ELF1: variants seen among roughly 807,000 people sequenced by gnomAD.
ELF1 encodes ETS-related transcription factor Elf-1.
A neutral mutation model predicts 59.9 loss-of-function variants in ELF1; 24 were observed. The ratio of observed to expected loss-of-function variants is 0.40; its 90% confidence interval spans 0.29 to 0.56. The LOEUF (loss-of-function observed/expected upper bound fraction) is 0.56. Among genes scored for constraint, ELF1 ranks in the 20% least tolerant of loss-of-function variants. The pLI is 0.44. For synonymous variants in ELF1, 248 were observed against 266.2 expected (o/e 0.93, Z 0.67); for missense variants, 627 against 742.2 (o/e 0.84, Z 1.80).
chr13:41,044,885 G>C lies in ELF1; in HGVS notation c.-229+15953C>G, dbSNP rs1413486309. 5.3e-5 allele frequency among the ~76,000 whole-genome samples: 8 copies of C among 152,234 alleles called. No individual in the cohort carries two copies. The East Asian group carries it at 1.5e-3, about 29-fold the overall frequency. ...GAAGGAATGGTACCAGCTCCTCCTTGTACCTCTGGTAGAATTCGGCTGTGA... is the reference window on the plus strand; with the variant it reads ...GAAGGAATGGTACCAGCTCCTCCTTCTACCTCTGGTAGAATTCGGCTGTGA... On this transcript the variant is annotated intron_variant, in intron 1 of 1. Transcript: ENST00000405737.
intron 1 of ELF1, among the ~76,000 whole-genome samples, chr13:40,990,456 T>A (rs1432517944): frequency 6.6e-6 from 1 of 152,206 alleles, no homozygotes; most frequent in Non-Finnish European, 1.5e-5. Context: ...CATGTATTAG[T>A]AATCACTTAA....
intron 1 of ELF1, among the ~76,000 whole-genome samples, chr13:40,998,607 C>T (rs1268079208): frequency 3.3e-5 from 5 of 152,100 alleles, no homozygotes; most frequent in African/African-American, 1.2e-4. Context: ...TACTATTGTA[C>T]AAATCTTAGA....
intron 1 of ELF1, among the ~76,000 whole-genome samples, chr13:41,032,591 G>A (rs976356147): frequency 7.9e-5 from 12 of 151,986 alleles, no homozygotes; most frequent in Non-Finnish European, 1.0e-4. Context: ...CGGGCACAGT[G>A]TCTCATGCCT....
intron 1 of ELF1, among the ~76,000 whole-genome samples, chr13:41,029,136 G>C (rs1349416384): frequency 6.6e-6 from 1 of 152,172 alleles, no homozygotes; most frequent in Non-Finnish European, 1.5e-5. Flanking sequence ...ATAAATCAGT[G>C]CATTTTCAAT....
At chr13:40,998,659 C>A (rs892831400) in intron 1 of ELF1, among the ~76,000 whole-genome samples, 1 of 152,228 alleles carries the variant, frequency 6.6e-6, no homozygotes, top group East Asian at 1.9e-4. Flanking sequence ...AAAACATATA[C>A]AGAACAATTA....
At chr13:40,955,262 G>A (rs1462572692) in intron 3 of ELF1, among the ~76,000 whole-genome samples, 10 of 105,666 alleles carry the variant, frequency 9.5e-5, no homozygotes, top group South Asian at 3.3e-4. Context: ...CAGCCACCCC[G>A]TCTGGGAGGG....
chr13:41,011,939 C>G (rs1448646076), intron 1 of ELF1, among the ~76,000 whole-genome samples: 2 of 152,076 alleles, frequency 1.3e-5, no homozygotes, highest in Non-Finnish European at 2.9e-5. Context: ...GCTTTTACTA[C>G]CGGTCAAATT....
chr13:40,937,184 T>C (rs1282447011), intron 8 of ELF1, among the ~76,000 whole-genome samples: 1 of 152,242 alleles, frequency 6.6e-6, no homozygotes, highest in Non-Finnish European at 1.5e-5. Context: ...GGTTGTATTA[T>C]GTAATACAGA....
intron 3 of ELF1, among the ~76,000 whole-genome samples, chr13:40,954,585 T>C (rs1370551054): frequency 6.6e-6 from 1 of 151,980 alleles, no homozygotes; most frequent in Non-Finnish European, 1.5e-5. Flanking sequence ...GTGCCTGCGA[T>C]TGCAGGCGCG....
Position 41,053,623 on chromosome 13 carries a change from C to T in ELF1, c.-229+7215G>A, listed in dbSNP as rs576656693. ...AATGGCTACCCCACCCCTTCTGACACCTCTGGGAATTCAAGTGTGTAAGAT... is the reference window on the plus strand; with the variant it reads ...AATGGCTACCCCACCCCTTCTGACATCTCTGGGAATTCAAGTGTGTAAGAT... On this transcript the variant is annotated intron_variant, in intron 1 of 1. Coordinates refer to the ELF1 transcript ENST00000405737. Among the ~76,000 whole-genome samples, 10 of 152,290 alleles carry T rather than the reference C, an allele frequency of 6.6e-5. No homozygotes were observed. In the South Asian group the frequency reaches 2.1e-3, roughly 32 times the overall value.
At chr13:40,951,138 C>A (rs1870820021) in intron 4 of ELF1, among the ~76,000 whole-genome samples, 191 bp downstream of exon 4, 1 of 152,154 alleles carries the variant, frequency 6.6e-6, no homozygotes, top group Non-Finnish European at 1.5e-5. Flanking sequence ...CCAAAGGCTT[C>A]ATTCTCAAAT....
chr13:41,015,882 T>C (rs147129536), intron 1 of ELF1, among the ~76,000 whole-genome samples: 7 of 152,276 alleles, frequency 4.6e-5, no homozygotes, highest in African/African-American at 1.7e-4. Flanking sequence ...ACCTGTCTAC[T>C]CATATGTGCT....
At chr13:40,940,397 A>C (rs5009585) in intron 8 of ELF1, among the ~76,000 whole-genome samples, 23 of 36,142 alleles carry the variant, frequency 6.4e-4, no homozygotes, top group Non-Finnish European at 8.5e-4. Flanking sequence ...AAAAAAAAAA[A>C]AAAAAAAAAA....
At chr13:41,004,555 A>G (rs889501843) in intron 1 of ELF1, among the ~76,000 whole-genome samples, 5 of 152,166 alleles carry the variant, frequency 3.3e-5, no homozygotes, top group African/African-American at 9.6e-5. Context: ...GTCAACCTCT[A>G]TAACTTTCCA....
chr13:40,934,219 CA>C (rs1183081430), intron 8 of ELF1, among the ~76,000 whole-genome samples, 191 bp from the exon 9 acceptor site: 1 of 152,076 alleles, frequency 6.6e-6, no homozygotes, highest in Non-Finnish European at 1.5e-5. Flanking sequence ...ATGCCTAACA[CA>C]AAACTCTCAG....
intron 1 of ELF1, among the ~76,000 whole-genome samples, chr13:41,025,914 T>C (rs537667099): frequency 1.3e-5 from 2 of 152,314 alleles, no homozygotes; most frequent in Admixed American, 1.3e-4. Flanking sequence ...AAATGCCTTT[T>C]TCCCCCATAC....
At chr13:41,056,917 G>A (rs1371212274) in intron 1 of ELF1, among the ~76,000 whole-genome samples, 1 of 152,232 alleles carries the variant, frequency 6.6e-6, no homozygotes, top group East Asian at 1.9e-4. Flanking sequence ...ACAAAACTCC[G>A]AGACAAGGAT....
At chr13:40,963,812 C>T (rs547761013) in intron 2 of ELF1, among the ~76,000 whole-genome samples, 1 of 151,998 alleles carries the variant, frequency 6.6e-6, no homozygotes, top group Admixed American at 6.6e-5. Context: ...GAGGATGAGG[C>T]AGGAGAATCA....
At chr13:40,936,894 A>C (rs1419832714) in intron 8 of ELF1, among the ~76,000 whole-genome samples, 1 of 151,968 alleles carries the variant, frequency 6.6e-6, no homozygotes, top group East Asian at 1.9e-4. Flanking sequence ...TGAAGGGAGC[A>C]GTGTGAGTGA....
Sources: allele counts gnomAD v4.1 joint callset (sites outside exome capture counted in the v4.1 genomes callset), GRCh38; gene constraint gnomAD v4.1.1; transcripts MANE v1.5; gene names NCBI Gene and HGNC (gene_info 2026-07-23, HGNC 2026-07-21).